SDCCAG8: variants seen among roughly 807,000 people sequenced by gnomAD.
SDCCAG8 encodes SHH signaling and ciliogenesis regulator SDCCAG8.
Under a neutral mutation model 101.8 loss-of-function variants are expected in SDCCAG8, and 74 were observed. That is an observed-to-expected ratio of 0.73 (90% CI 0.60 to 0.88). The LOEUF (loss-of-function observed/expected upper bound fraction) is 0.88. SDCCAG8 is among the 40% of genes least tolerant of loss of function. SDCCAG8 has a pLI of 0.00. For missense variants in SDCCAG8, 787 were observed against 822.6 expected, an observed-to-expected ratio of 0.96 and a Z score of 0.53; for synonymous variants, 281 against 292.9, an observed-to-expected ratio of 0.96 and a Z score of 0.41.
intron 16 of SDCCAG8, among the ~76,000 whole-genome samples, chr1:243,446,284 AC>A (rs1007229100): frequency 1.4e-4 from 21 of 152,236 alleles, no homozygotes; most frequent in African/African-American, 4.6e-4. Context: ...TTTTTTTAAG[AC>A]AGGGTCTCAC....
intron 16 of SDCCAG8, among the ~76,000 whole-genome samples, chr1:243,479,638 C>G (rs1436794606): frequency 6.6e-6 from 1 of 152,198 alleles, no homozygotes; most frequent in Non-Finnish European, 1.5e-5. Context: ...GACCTCACTT[C>G]TAGTTTTCTC....
At chr1:243,286,217 A>G in intron 4 of SDCCAG8, 55 bp from the exon 5 acceptor site, 1 of 1,569,006 alleles carries the variant, frequency 6.4e-7, no homozygotes, top group African/African-American at 1.4e-5. Flanking sequence ...CTAATAATCA[A>G]CAAATAAAAA....
At chr1:243,475,935 A>T (rs1343866232) in intron 16 of SDCCAG8, 1 of 985,270 alleles carries the variant, frequency 1.0e-6, no homozygotes, top group African/African-American at 1.7e-5. Flanking sequence ...CCACAGTGGC[A>T]CACAACTGGG....
intron 9 of SDCCAG8, among the ~76,000 whole-genome samples, chr1:243,317,415 G>T (rs2073357508): frequency 6.6e-6 from 1 of 151,464 alleles, no homozygotes; most frequent in Non-Finnish European, 1.5e-5. Context: ...CTTCCTCCTG[G>T]GTTCAAGTGA....
At chr1:243,410,171 A>AG (rs1348333510) in intron 13 of SDCCAG8, among the ~76,000 whole-genome samples, 58 of 152,260 alleles carry the variant, frequency 3.8e-4, no homozygotes, top group African/African-American at 1.4e-3. Context: ...CAGTGATGTC[A>AG]CTTTGGTAGC....
intron 4 of SDCCAG8, among the ~76,000 whole-genome samples, chr1:243,278,988 A>G (rs1335431069): frequency 6.6e-6 from 1 of 152,026 alleles, no homozygotes; most frequent in Non-Finnish European, 1.5e-5. Context: ...TTGAGGTCTC[A>G]TCATGTTGCC....
At chr1:243,267,437 A>G in intron 1 of SDCCAG8, 2 of 259,292 alleles carry the variant, frequency 7.7e-6, no homozygotes, top group South Asian at 7.6e-5. Flanking sequence ...CGTCTCTACT[A>G]AAAAAAAATA....
intron 8 of SDCCAG8, among the ~76,000 whole-genome samples, chr1:243,313,361 A>G (rs2072936416): frequency 6.6e-6 from 1 of 152,226 alleles, no homozygotes. Context: ...GCTCATGCAT[A>G]TACATTAGAC....
rs767289169 is a variant in SDCCAG8 at position 243,256,163 on chromosome 1, A to C, written c.-11A>C. 4 of 1,613,174 alleles carry C rather than the reference A, an allele frequency of 2.5e-6. No homozygotes were observed. The South Asian group carries it at 4.4e-5, about 18-fold the overall frequency. Reference sequence around the variant, plus strand: ...CCACGTAACTCCCAGCTCTGGGCCTAGAGTGCGTGCATGGCGAAGTCCCCG... The same window carrying C: ...CCACGTAACTCCCAGCTCTGGGCCTCGAGTGCGTGCATGGCGAAGTCCCCG... On this transcript the variant is annotated 5_prime_UTR_variant, in exon 1 of 18. Transcript: ENST00000366541.
chr1:243,296,688 G>T (rs1369306119), intron 6 of SDCCAG8, among the ~76,000 whole-genome samples: 1 of 150,888 alleles, frequency 6.6e-6, no homozygotes, highest in Non-Finnish European at 1.5e-5. Flanking sequence ...GACTACAGGC[G>T]CCCGCCACTG....
chr1:243,469,593 A>G (rs1660812866), intron 16 of SDCCAG8, among the ~76,000 whole-genome samples: 1 of 152,208 alleles, frequency 6.6e-6, no homozygotes, highest in Admixed American at 6.5e-5. Flanking sequence ...GTGGATTACA[A>G]GTAAACTGAA....
chr1:243,399,804 T>C (rs1370387613), intron 13 of SDCCAG8, among the ~76,000 whole-genome samples: 1 of 152,136 alleles, frequency 6.6e-6, no homozygotes, highest in Non-Finnish European at 1.5e-5. Context: ...GCCATGGCAC[T>C]CAGCCCGTTT....
intron 13 of SDCCAG8, among the ~76,000 whole-genome samples, chr1:243,414,396 C>T (rs1035421296): frequency 6.6e-6 from 1 of 152,046 alleles, no homozygotes; most frequent in African/African-American, 2.4e-5. Flanking sequence ...GGTTTGGAAC[C>T]GAGTGCGACG....
At chr1:243,471,185 A>G (rs1574237209) in intron 16 of SDCCAG8, among the ~76,000 whole-genome samples, 1 of 152,194 alleles carries the variant, frequency 6.6e-6, no homozygotes, top group South Asian at 2.1e-4. Flanking sequence ...CAGAGTCGGG[A>G]TGGGAAGCCA....
chr1:243,325,744 A>T (rs2074100017), intron 9 of SDCCAG8, among the ~76,000 whole-genome samples: 1 of 152,296 alleles, frequency 6.6e-6, no homozygotes, highest in South Asian at 2.1e-4. Flanking sequence ...TCTTCAATTG[A>T]GTGATAAGAA....
chr1:243,452,251 T>A (rs889397789), intron 16 of SDCCAG8, among the ~76,000 whole-genome samples: 1 of 152,162 alleles, frequency 6.6e-6, no homozygotes, highest in Non-Finnish European at 1.5e-5. Context: ...CATGTGTTAG[T>A]TGTGTAAAAG....
chr1:243,272,320 A>G (rs10803131), intron 3 of SDCCAG8, among the ~76,000 whole-genome samples: 44,548 of 152,118 alleles, frequency 0.29, 6,742 homozygotes, highest in South Asian at 0.52. Context: ...GAAATATCAG[A>G]GTATCACTCC....
At chr1:243,288,949 G>C (rs1399144750) in intron 5 of SDCCAG8, among the ~76,000 whole-genome samples, 2 of 151,206 alleles carry the variant, frequency 1.3e-5, no homozygotes, top group Non-Finnish European at 2.9e-5. Context: ...AGAGCTTGCA[G>C]TGAGCTGAGA....
At chr1:243,275,973 C>T (rs1442271034) in intron 4 of SDCCAG8, among the ~76,000 whole-genome samples, 2 of 149,890 alleles carry the variant, frequency 1.3e-5, no homozygotes, top group Admixed American at 1.3e-4. Context: ...AAGCTATTCT[C>T]CTGCCTCAGC....
Sources: gnomAD v4.1 joint callset for allele counts (sites outside exome capture counted in the v4.1 genomes callset) on GRCh38, gnomAD v4.1.1 for gene constraint, MANE v1.5 for transcripts, NCBI Gene and HGNC (gene_info 2026-07-23, HGNC 2026-07-21) for gene names.